The following MAN2A1 variants were observed in gnomAD, a reference collection of about 807,000 sequenced individuals.
MAN2A1 encodes alpha-mannosidase 2.
A neutral mutation model predicts 142.6 loss-of-function variants in MAN2A1; 76 were observed. The observed-to-expected ratio is 0.53, with a 90% CI of 0.44 to 0.65. The LOEUF is 0.65. MAN2A1 is among the 30% of genes least tolerant of loss of function. The pLI, the probability that MAN2A1 is intolerant of heterozygous loss-of-function variation, is 0.00. For missense variants in MAN2A1, 1,311 were observed against 1,365.1 expected, an observed-to-expected ratio of 0.96 and a Z score of 0.62; for synonymous variants, 559 against 473.2, an observed-to-expected ratio of 1.18 and a Z score of -2.35.
chr5:109,694,071 T>G (rs1249411265), intron 1 of MAN2A1, among the ~76,000 whole-genome samples: 1 of 152,220 alleles, frequency 6.6e-6, no homozygotes, highest in Admixed American at 6.5e-5. Flanking sequence ...GTTGTCTTAT[T>G]AATTAGTCTG....
chr5:109,862,323 T>G lies in MAN2A1; in HGVS notation c.3172-2713T>G, dbSNP rs1755778034. 2.6e-5 allele frequency: 4 copies of G among 152,184 alleles called. No homozygotes were observed. The South Asian group carries it at 8.3e-4, about 32-fold the overall frequency. The allele number at this position is 152,184 out of a possible 1,614,324, so 9.4% of individuals were successfully genotyped here. A position where few individuals can be genotyped will look rare whatever the true frequency, so the allele number is the denominator to read the frequency against. ...ACTCCACCAAGTTGCTGGAAGAGCC[T>G]CAGAGGCCCAGCTTAGTCTATGAGC... On this transcript the variant is annotated intron_variant, in intron 20 of 21. Coordinates refer to ENST00000261483, the MANE Select transcript of MAN2A1 (RefSeq NM_002372.4).
chr5:109,766,924 C>T (rs1176291751), intron 5 of MAN2A1, among the ~76,000 whole-genome samples: 2 of 152,054 alleles, frequency 1.3e-5, no homozygotes, highest in Non-Finnish European at 2.9e-5. Context: ...TGTGAGCCAG[C>T]TATGAGAAAT....
At chr5:109,809,427 C>A (rs1216440212) in intron 12 of MAN2A1, among the ~76,000 whole-genome samples, 1 of 152,032 alleles carries the variant, frequency 6.6e-6, no homozygotes, top group Non-Finnish European at 1.5e-5. Flanking sequence ...ACGTTTCTTT[C>A]AGTACAAGTT....
At chr5:109,714,669 G>C (rs185035614) in intron 2 of MAN2A1, among the ~76,000 whole-genome samples, 11 of 152,252 alleles carry the variant, frequency 7.2e-5, no homozygotes, top group Non-Finnish European at 1.5e-4. Context: ...GATCCTAAGG[G>C]GTAAATATTT....
At chr5:109,833,190 G>A (rs1202446781) in intron 16 of MAN2A1, among the ~76,000 whole-genome samples, 1 of 150,440 alleles carries the variant, frequency 6.6e-6, no homozygotes, top group Admixed American at 6.6e-5. Flanking sequence ...CCCAGACTGG[G>A]CGGCCGGGCA....
At chr5:109,790,110 T>C (rs1753698651) in intron 12 of MAN2A1, among the ~76,000 whole-genome samples, 1 of 151,922 alleles carries the variant, frequency 6.6e-6, no homozygotes, top group African/African-American at 2.4e-5. Flanking sequence ...TTGGTATTTC[T>C]TTAAACAGCA....
chr5:109,714,112 A>C (rs745866529), intron 2 of MAN2A1, among the ~76,000 whole-genome samples: 2 of 152,044 alleles, frequency 1.3e-5, no homozygotes, highest in Non-Finnish European at 2.9e-5. Context: ...GGAGAATACA[A>C]GAAAATCCAT....
In MAN2A1 at chr5:109,713,636, G is replaced by A. The variant is rs751802394; in HGVS notation, c.252G>A (p.Glu84=). The change falls in exon 2 of 22, where the codon GAG becomes GAA. Residue 84 remains glutamate, a synonymous_variant. Coordinates refer to ENST00000261483, the MANE Select transcript of MAN2A1 (RefSeq NM_002372.4). ...TCATCAATTTGAGTGAGTCTGTGGA[G>A]GATGGTCCGAAAAGTTCACAAAGCA... ...DSVINLSESV[E]DGPKSSQSNF... The A allele has an allele frequency of 6.2e-7, 1 of 1,614,170 alleles. No individual in the cohort carries two copies. The highest frequency in any genetic ancestry group is 8.5e-7 in the Non-Finnish European group (1 of 1,180,008).
At chr5:109,799,646 T>C (rs1305986046) in intron 12 of MAN2A1, among the ~76,000 whole-genome samples, 3 of 151,088 alleles carry the variant, frequency 2.0e-5, no homozygotes, top group Non-Finnish European at 4.4e-5. Context: ...CCCAGCTACT[T>C]GGGAGGCTAA....
chr5:109,790,474 T>C (rs1753710293), intron 12 of MAN2A1, among the ~76,000 whole-genome samples: 1 of 151,872 alleles, frequency 6.6e-6, no homozygotes, highest in South Asian at 2.1e-4. Flanking sequence ...AGATAATAAG[T>C]TTTTTTATTT....
At chr5:109,828,593 G>A (rs913829102) in intron 16 of MAN2A1, among the ~76,000 whole-genome samples, 1 of 152,194 alleles carries the variant, frequency 6.6e-6, no homozygotes, top group African/African-American at 2.4e-5. Flanking sequence ...TGGGTAACGA[G>A]TATGTCGTGT....
chr5:109,752,866 A>G lies in MAN2A1; in HGVS notation c.708-2463A>G, dbSNP rs189683339. Among the ~76,000 whole-genome samples the G allele has an allele frequency of 6.3e-3, 962 of 152,296 alleles. 5 individuals are homozygous for G. The highest frequency in any genetic ancestry group is 0.011 in the Non-Finnish European group (750 of 68,008). On this transcript the variant is annotated intron_variant, in intron 4 of 21. Coordinates refer to ENST00000261483, the MANE Select transcript of MAN2A1 (RefSeq NM_002372.4). ...ATCATGGAGGAGAAATGGATTATTA[A>G]CAAATGGAGCTGGGAAAATTAGTTA...
intron 8 of MAN2A1, among the ~76,000 whole-genome samples, chr5:109,779,565 G>GCACA (rs757828449): frequency 0.028 from 2,077 of 73,224 alleles, 46 homozygotes; most frequent in African/African-American, 0.15. Context: ...ACACACGCGT[G>GCACA]CACACACACA....
At chr5:109,691,873 G>A (rs1036157722) in intron 1 of MAN2A1, among the ~76,000 whole-genome samples, 1 of 152,204 alleles carries the variant, frequency 6.6e-6, no homozygotes, top group African/African-American at 2.4e-5. Flanking sequence ...AGTGCTTCTT[G>A]ATGAGGTTGA....
At chr5:109,809,209 A>G (rs1754254836) in intron 12 of MAN2A1, among the ~76,000 whole-genome samples, 1 of 152,154 alleles carries the variant, frequency 6.6e-6, no homozygotes, top group African/African-American at 2.4e-5. Context: ...CTTTCTTGCC[A>G]TCTTTTATAG....
chr5:109,835,006 T>C (rs1392844061), intron 16 of MAN2A1, among the ~76,000 whole-genome samples: 1 of 152,152 alleles, frequency 6.6e-6, no homozygotes, highest in Non-Finnish European at 1.5e-5. Flanking sequence ...GATAATATTT[T>C]CTTTTTAGAA....
chr5:109,858,643 G>A (rs1755682841), intron 20 of MAN2A1, among the ~76,000 whole-genome samples: 1 of 152,212 alleles, frequency 6.6e-6, no homozygotes, highest in Admixed American at 6.5e-5. Context: ...GCATTGGCCT[G>A]TATTTAAGTA....
chr5:109,734,832 A>T (rs1369739705), intron 4 of MAN2A1, among the ~76,000 whole-genome samples: 3 of 152,204 alleles, frequency 2.0e-5, no homozygotes, highest in Non-Finnish European at 4.4e-5. Flanking sequence ...CGGTGCTGAA[A>T]AAAATGTATA....
chr5:109,818,933 C>A (rs1474378398), intron 13 of MAN2A1, among the ~76,000 whole-genome samples: 1 of 152,108 alleles, frequency 6.6e-6, no homozygotes, highest in South Asian at 2.1e-4. Context: ...TCCCAGGACC[C>A]TCTGGGGATA....
Sources: gnomAD v4.1 joint callset for allele counts (sites outside exome capture counted in the v4.1 genomes callset) on GRCh38, gnomAD v4.1.1 for gene constraint, MANE v1.5 for transcripts, NCBI Gene and HGNC (gene_info 2026-07-23, HGNC 2026-07-21) for gene names.